The following LSM14A variants were observed in gnomAD, a reference collection of about 807,000 sequenced individuals.
LSM14A encodes the protein LSM14A mRNA processing body assembly factor.
Under a neutral mutation model 52.4 loss-of-function variants are expected in LSM14A, and 14 were observed. That is an observed-to-expected ratio of 0.27 (90% CI 0.18 to 0.42). The LOEUF (loss-of-function observed/expected upper bound fraction) is 0.42. Ranked by LOEUF, LSM14A falls within the 10% of genes least tolerant of loss-of-function variation. LSM14A has a pLI of 1.00. For missense variants in LSM14A, 417 were observed against 581.8 expected (o/e 0.72, Z 2.91); for synonymous variants, 185 against 200.3 (o/e 0.92, Z 0.64).
intron 3 of LSM14A, among the ~76,000 whole-genome samples, chr19:34,200,452 A>G (rs1009760949): frequency 6.6e-6 from 1 of 152,116 alleles, no homozygotes; most frequent in African/African-American, 2.4e-5. Flanking sequence ...ATCATATGGG[A>G]AAGTGTTTTT....
chr19:34,220,417 G>A (rs900843395), intron 8 of LSM14A, among the ~76,000 whole-genome samples: 28 of 152,134 alleles, frequency 1.8e-4, no homozygotes, highest in African/African-American at 6.3e-4. Context: ...GTCTAAGTAG[G>A]ACCTTTTTTT....
intron 3 of LSM14A, among the ~76,000 whole-genome samples, chr19:34,206,273 A>T (rs1164045526): frequency 6.6e-6 from 1 of 152,184 alleles, no homozygotes; most frequent in Non-Finnish European, 1.5e-5. Context: ...CAGGAGGCTG[A>T]TGCAGAAGGA....
chr19:34,223,479 C>T (rs983010226), intron 9 of LSM14A, among the ~76,000 whole-genome samples: 11 of 152,248 alleles, frequency 7.2e-5, no homozygotes, highest in African/African-American at 2.7e-4. Context: ...CTTCCTCAGA[C>T]TGATCTCATC....
chr19:34,189,201 A>G (rs1009210136), intron 1 of LSM14A, among the ~76,000 whole-genome samples: 11 of 152,222 alleles, frequency 7.2e-5, no homozygotes, highest in Non-Finnish European at 1.6e-4. Context: ...CTATTCAGCT[A>G]CATAATACTA....
chr19:34,213,698 C>G (rs1348576151), intron 4 of LSM14A, among the ~76,000 whole-genome samples: 1 of 152,184 alleles, frequency 6.6e-6, no homozygotes, highest in Non-Finnish European at 1.5e-5. Context: ...ATGTTACATT[C>G]TTCAGTTCAT....
At chr19:34,225,184 T>C (rs2073276641) in intron 9 of LSM14A, among the ~76,000 whole-genome samples, 1 of 152,232 alleles carries the variant, frequency 6.6e-6, no homozygotes, top group South Asian at 2.1e-4. Context: ...TTGCTTGTCA[T>C]GTTGATTAGG....
chr19:34,216,702 C>T (rs923598936), intron 6 of LSM14A, among the ~76,000 whole-genome samples: 2 of 152,124 alleles, frequency 1.3e-5, no homozygotes, highest in Non-Finnish European at 2.9e-5. Context: ...TTATTTTCCA[C>T]CCACCTCAGC....
intron 1 of LSM14A, among the ~76,000 whole-genome samples, chr19:34,184,546 A>C (rs2069744052): frequency 6.6e-6 from 1 of 152,184 alleles, no homozygotes; most frequent in African/African-American, 2.4e-5. Flanking sequence ...TGATCCCCTG[A>C]AGTTATAAGC....
chr19:34,179,383 T>G (rs1487589323), intron 1 of LSM14A, among the ~76,000 whole-genome samples: 1 of 152,234 alleles, frequency 6.6e-6, no homozygotes, highest in Non-Finnish European at 1.5e-5. Flanking sequence ...GGTGCTTTAT[T>G]TGATTTCTTG....
intron 3 of LSM14A, among the ~76,000 whole-genome samples, chr19:34,197,720 C>T (rs1323803849): frequency 2.6e-5 from 4 of 151,890 alleles, no homozygotes; most frequent in Admixed American, 1.3e-4. Flanking sequence ...GGATTACAGG[C>T]GTGAGCCACC....
At chr19:34,188,972 T>C (rs1264585809) in intron 1 of LSM14A, among the ~76,000 whole-genome samples, 1 of 152,178 alleles carries the variant, frequency 6.6e-6, no homozygotes, top group Non-Finnish European at 1.5e-5. Flanking sequence ...GAACATAATA[T>C]AATCTCTGGT....
At chr19:34,196,832 A>T in intron 3 of LSM14A, 69 bp downstream of exon 3, 1 of 1,336,394 alleles carries the variant, frequency 7.5e-7, no homozygotes, top group Non-Finnish European at 1.0e-6. Context: ...AGGTATAGAA[A>T]CTCAACACCA....
intron 3 of LSM14A, among the ~76,000 whole-genome samples, chr19:34,198,543 GAGGC>G (rs1232221869): frequency 2.6e-5 from 4 of 152,206 alleles, no homozygotes; most frequent in Non-Finnish European, 4.4e-5. Context: ...TTGAACCTGT[GAGGC>G]AGAGGTTGCA....
In LSM14A at chr19:34,215,400, A is replaced by T. The variant is rs1040192103; in HGVS notation, c.715+100A>T. On this transcript the variant is annotated intron_variant, in intron 5 of 9. Coordinates refer to ENST00000544216, the MANE Select transcript of LSM14A (RefSeq NM_015578.4). ...ATTTACTTCATGTGAATGATCCCAGAAAATTAAACTGAATATGATAGAATG... is the reference window on the plus strand; with the variant it reads ...ATTTACTTCATGTGAATGATCCCAGTAAATTAAACTGAATATGATAGAATG... The T allele has an allele frequency of 1.1e-5, 13 of 1,235,674 alleles. No homozygotes were observed. The East Asian group carries it at 1.8e-4, about 17-fold the overall frequency. The allele number at this position is 1,235,674 out of a possible 1,614,324, so 76.5% of individuals were successfully genotyped here.
chr19:34,192,316 G>GTTTTGTT (rs1306000214), intron 1 of LSM14A, among the ~76,000 whole-genome samples: 2 of 65,782 alleles, frequency 3.0e-5, no homozygotes, highest in Admixed American at 2.2e-4. Context: ...CATTCTTTTT[G>GTTTTGTT]TTGTTTTTTT....
At chr19:34,210,460 T>G (rs775845291) in intron 4 of LSM14A, among the ~76,000 whole-genome samples, 8 of 152,042 alleles carry the variant, frequency 5.3e-5, no homozygotes, top group Non-Finnish European at 1.0e-4. Flanking sequence ...TTGGTAGAGA[T>G]GTGGTTTCGT....
intron 1 of LSM14A, among the ~76,000 whole-genome samples, chr19:34,193,493 C>T (rs1438352017): frequency 2.0e-5 from 3 of 152,152 alleles, no homozygotes; most frequent in African/African-American, 7.2e-5. Flanking sequence ...TTTTTGGACC[C>T]TGTCCCCAGC....
chr19:34,226,519 A>G, intron 9 of LSM14A: 1 of 1,410,592 alleles, frequency 7.1e-7, no homozygotes, highest in Non-Finnish European at 9.5e-7. Context: ...GGGGGACAGC[A>G]GGTTCATCTT....
chr19:34,222,458 A>C (rs2073117159), intron 9 of LSM14A, among the ~76,000 whole-genome samples: 1 of 152,264 alleles, frequency 6.6e-6, no homozygotes, highest in African/African-American at 2.4e-5. Flanking sequence ...CATAGTAACT[A>C]TCTCAGTTAA....
Sources: allele counts gnomAD v4.1 joint callset (sites outside exome capture counted in the v4.1 genomes callset), GRCh38; gene constraint gnomAD v4.1.1; transcripts MANE v1.5; gene names NCBI Gene and HGNC (gene_info 2026-07-23, HGNC 2026-07-21).